COX6B1: variants seen among roughly 807,000 people sequenced by gnomAD.
The protein encoded by COX6B1 is cytochrome c oxidase subunit 6B1, also known as COX VIb-1.
In COX6B1, 2 loss-of-function variants were observed where a neutral mutation model predicts 14.0. The observed-to-expected ratio is 0.14, with a 90% CI of 0.06 to 0.45. COX6B1 has a LOEUF of 0.45. Ranked by LOEUF, COX6B1 falls within the 20% of genes least tolerant of loss-of-function variation. The probability of loss-of-function intolerance (pLI) is 0.98; values close to 1 mark genes in which losing one functional copy is unlikely to be tolerated. For synonymous variants in COX6B1, 30 were observed against 39.7 expected (o/e 0.76, Z 0.92); for missense variants, 81 against 114.2 (o/e 0.71, Z 1.33).
At chr19:35,648,745 C>T (rs1967788807) in intron 1 of COX6B1, 11 of 469,448 alleles carry the variant, frequency 2.3e-5, no homozygotes, top group South Asian at 1.7e-4. Flanking sequence ...GTTTGTCCTC[C>T]AGGGCTCTTC....
intron 1 of COX6B1, 57 bp from the exon 2 acceptor site, chr19:35,651,176 T>C: frequency 9.5e-7 from 1 of 1,054,802 alleles, no homozygotes; most frequent in Non-Finnish European, 1.5e-6. Flanking sequence ...TCCTGGGTAG[T>C]CTGGCTTGCT....
At chr19:35,648,812 C>G in intron 1 of COX6B1, 1 of 532,204 alleles carries the variant, frequency 1.9e-6, no homozygotes, top group South Asian at 1.4e-5. Flanking sequence ...GCCTGGCTCC[C>G]GGGTGTCCAG....
chr19:35,651,279 C>T lies in COX6B1; in HGVS notation c.36C>T (p.Tyr12=). The T allele has an allele frequency of 6.2e-7, 1 of 1,614,172 alleles. No individual in the cohort carries two copies. ...AEDMETKIKN[Y]KTAPFDSRFP... Reference sequence around the variant, plus strand: ...ACATGGAGACCAAAATCAAGAACTACAAGACCGCCCCTTTTGACAGCCGCT... The same window carrying T: ...ACATGGAGACCAAAATCAAGAACTATAAGACCGCCCCTTTTGACAGCCGCT... The change falls in exon 2 of 4, where the codon TAC becomes TAT. Residue 12 remains tyrosine, a synonymous_variant. Transcript: ENST00000649813.
At chr19:35,658,369 G>A (rs1967910433) in intron 3 of COX6B1, among the ~76,000 whole-genome samples, 1 of 152,008 alleles carries the variant, frequency 6.6e-6, no homozygotes, top group South Asian at 2.1e-4. Context: ...AGTGGGCCTG[G>A]GGTTTTCCTG....
intron 3 of COX6B1, 104 bp downstream of exon 3, chr19:35,654,775 C>A: frequency 1.1e-6 from 1 of 950,066 alleles, no homozygotes; most frequent in South Asian, 1.4e-5. Context: ...AGAGGGAGGA[C>A]AGGGCACCAC....
intron 3 of COX6B1, 32 bp from the exon 4 acceptor site, chr19:35,658,562 A>T (rs1392334521): frequency 3.8e-6 from 6 of 1,596,790 alleles, no homozygotes; most frequent in Non-Finnish European, 5.2e-6. Flanking sequence ...CAGTTTCCCC[A>T]CTGCGGAGGG....
chr19:35,658,257 C>T (rs948939671), intron 3 of COX6B1, among the ~76,000 whole-genome samples: 1 of 152,110 alleles, frequency 6.6e-6, no homozygotes, highest in Non-Finnish European at 1.5e-5. Context: ...TATTCCATCT[C>T]CCCTGTTTGG....
At chr19:35,654,168 G>A (rs1967862028) in intron 2 of COX6B1, among the ~76,000 whole-genome samples, 1 of 152,200 alleles carries the variant, frequency 6.6e-6, no homozygotes, top group African/African-American at 2.4e-5. Flanking sequence ...TTCTATGCCT[G>A]TACACTTGTG....
chr19:35,651,384 G>A, intron 2 of COX6B1, 35 bp downstream of exon 2: 1 of 1,528,074 alleles, frequency 6.5e-7, no homozygotes, highest in Non-Finnish European at 9.1e-7. Flanking sequence ...CATACCTCGA[G>A]TCACTCACCG....
chr19:35,658,347 C>T (rs1173475650), intron 3 of COX6B1, among the ~76,000 whole-genome samples: 1 of 152,122 alleles, frequency 6.6e-6, no homozygotes, highest in African/African-American at 2.4e-5. Context: ...ATCTCCCCAT[C>T]GACAGCTCTG....
At position 35,656,761 on chromosome 19, in the gene COX6B1, G is replaced by A. The variant is rs540820582; in HGVS notation, c.208-1833G>A. ...CTCCCAAAGTTCTGGGATTACCGGC[G>A]TGAGCCACCACGCCCAGCCATGTTA... is the stretch of plus-strand genomic sequence containing the variant. On this transcript the variant is annotated intron_variant, in intron 3 of 3. Coordinates refer to ENST00000649813, the MANE Select transcript of COX6B1 (RefSeq NM_001863.5). Among the ~76,000 whole-genome samples the A allele has an allele frequency of 3.1e-3, 466 of 152,298 alleles. 3 individuals are homozygous for A. The highest frequency in any genetic ancestry group is 3.1e-3 in the Non-Finnish European group (211 of 68,024).
At chr19:35,649,667 A>G (rs1255958393) in intron 1 of COX6B1, among the ~76,000 whole-genome samples, 1 of 151,952 alleles carries the variant, frequency 6.6e-6, no homozygotes, top group African/African-American at 2.4e-5. Flanking sequence ...TTTAGTAGAG[A>G]TGGGGTTTCA....
At chr19:35,650,656 C>T (rs1288486369) in intron 1 of COX6B1, among the ~76,000 whole-genome samples, 1 of 151,458 alleles carries the variant, frequency 6.6e-6, no homozygotes, top group East Asian at 1.9e-4. Flanking sequence ...TGCAGTGAGC[C>T]TAGGTCGTAC....
chr19:35,648,364 G>A lies in COX6B1; in HGVS notation c.-51G>A, dbSNP rs1967784574. 1 of 155,934 alleles carries A rather than the reference G, an allele frequency of 6.4e-6. No individual in the cohort carries two copies. The highest frequency in any genetic ancestry group is 1.7e-4 in the South Asian group (1 of 5,884). 9.7% of individuals were successfully genotyped at this position (155,934 alleles called of 1,614,324 possible). A position where few individuals can be genotyped will look rare whatever the true frequency, so the allele number is the denominator to read the frequency against. On this transcript the variant is annotated 5_prime_UTR_variant, in exon 1 of 4. Coordinates refer to ENST00000649813, the MANE Select transcript of COX6B1 (RefSeq NM_001863.5). ...GTCCGACTGTGGTGTCTTTGCTGAG[G>A]GTCACATTGAGCTGCAGGTTGAATC...
intron 2 of COX6B1, among the ~76,000 whole-genome samples, chr19:35,652,864 T>C (rs1012064192): frequency 1.3e-5 from 2 of 151,976 alleles, no homozygotes; most frequent in Admixed American, 6.6e-5. Context: ...AATGGCACGA[T>C]CTCAGCTCAT....
chr19:35,651,099 T>C (rs1967819448), intron 1 of COX6B1, 134 bp from the exon 2 acceptor site: 2 of 698,146 alleles, frequency 2.9e-6, no homozygotes, highest in Non-Finnish European at 5.2e-6. Context: ...CTCATCTCTG[T>C]GTATGTTGAG....
Position 35,656,146 on chromosome 19 carries a change from A to G in COX6B1, c.207+1475A>G, listed in dbSNP as rs74258150. Among the ~76,000 whole-genome samples the G allele has an allele frequency of 1.3e-3, 203 of 152,324 alleles. 5 individuals are homozygous for G. The East Asian group carries it at 0.037, about 28-fold the overall frequency. On this transcript the variant is annotated intron_variant, in intron 3 of 3. Transcript: ENST00000649813. ...CACCCAGCTGAATCTTTCAAAATAAAAAAAATTACCCTTTAACTTGGCAAT... is the reference window on the plus strand; with the variant it reads ...CACCCAGCTGAATCTTTCAAAATAAGAAAAATTACCCTTTAACTTGGCAAT...
intron 2 of COX6B1, among the ~76,000 whole-genome samples, chr19:35,651,659 C>T (rs1375176460): frequency 1.3e-5 from 2 of 151,938 alleles, no homozygotes; most frequent in African/African-American, 4.8e-5. Context: ...GCAGCCTCAA[C>T]CTCCTGGGCT....
Position 35,655,755 on chromosome 19 carries a change from GTCTCTC to G in COX6B1, c.207+1112_207+1117del, listed in dbSNP as rs3038413. ...ACTACAGGCATGTGCCACTGTGCCT[GTCTCTC>G]TCTCTCTCTCTCTCTCTCTCTCTCT... is the stretch of plus-strand genomic sequence containing the variant. On this transcript the variant is annotated intron_variant, in intron 3 of 3. Transcript: ENST00000649813. Among the ~76,000 whole-genome samples the G allele has an allele frequency of 4.8e-3, 700 of 146,022 alleles. 2 individuals are homozygous for G. The highest frequency in any genetic ancestry group is 0.015 in the African/African-American group (581 of 39,832).
Sources: allele counts gnomAD v4.1 joint callset (sites outside exome capture counted in the v4.1 genomes callset), GRCh38; gene constraint gnomAD v4.1.1; transcripts MANE v1.5; gene names NCBI Gene and HGNC (gene_info 2026-07-23, HGNC 2026-07-21).